The following DMC1 variants were observed in gnomAD, a reference collection of about 807,000 sequenced individuals.
DMC1 encodes the protein DNA meiotic recombinase 1.
A neutral mutation model predicts 50.1 loss-of-function variants in DMC1; 27 were observed. That is an observed-to-expected ratio of 0.54 (90% CI 0.40 to 0.74). The LOEUF is 0.74. DMC1 is among the 30% of genes least tolerant of loss of function. DMC1 has a pLI of 0.00. For missense variants in DMC1, 295 were observed against 420.2 expected (o/e 0.70, Z 2.60); for synonymous variants, 148 against 136.1 (o/e 1.09, Z -0.61).
At chr22:38,522,812 G>C (rs140160368) in intron 12 of DMC1, among the ~76,000 whole-genome samples, 1 of 152,190 alleles carries the variant, frequency 6.6e-6, no homozygotes, top group African/African-American at 2.4e-5. Context: ...TTGGCATGAG[G>C]TTAAATATAT....
chr22:38,555,850 G>A (rs1451109324), intron 5 of DMC1, among the ~76,000 whole-genome samples: 2 of 146,896 alleles, frequency 1.4e-5, no homozygotes, highest in African/African-American at 2.5e-5. Flanking sequence ...TTTTTTTTTC[G>A]AGATGGAGTC....
chr22:38,545,579 G>A (rs1026310568), intron 8 of DMC1, among the ~76,000 whole-genome samples: 9 of 152,072 alleles, frequency 5.9e-5, no homozygotes, highest in Admixed American at 2.0e-4. Flanking sequence ...CCACCACTGC[G>A]CCTGGCTAAT....
intron 11 of DMC1, 58 bp from the exon 12 acceptor site, chr22:38,537,710 T>C: frequency 7.4e-7 from 1 of 1,346,872 alleles, no homozygotes; most frequent in Non-Finnish European, 1.1e-6. Flanking sequence ...TATTTAAAAG[T>C]TCATTGTTTA....
At chr22:38,568,783 T>G (rs2146046555) in intron 1 of DMC1, among the ~76,000 whole-genome samples, 1 of 152,342 alleles carries the variant, frequency 6.6e-6, no homozygotes, top group South Asian at 2.1e-4. Flanking sequence ...GATGAATGCC[T>G]TCCTGCCTGC....
intron 12 of DMC1, among the ~76,000 whole-genome samples, chr22:38,533,393 CACAA>C (rs1229498916): frequency 2.2e-5 from 1 of 45,464 alleles, no homozygotes; most frequent in Non-Finnish European, 3.8e-5. Flanking sequence ...GAGACTCCAT[CACAA>C]AAAAAAAAAA....
At chr22:38,542,298 G>A (rs2090290048) in intron 8 of DMC1, among the ~76,000 whole-genome samples, 2 of 151,846 alleles carry the variant, frequency 1.3e-5, no homozygotes, top group Admixed American at 1.3e-4. Flanking sequence ...TCTTATGTTT[G>A]GAAAAACCCA....
the DMC1 span, among the ~76,000 whole-genome samples, chr22:38,509,221 G>GACCAGCCTAGCCAACATGGC: frequency 6.6e-6 from 1 of 152,118 alleles, no homozygotes; most frequent in African/African-American, 2.4e-5. Flanking sequence ...TGTTACACAA[G>GACCAGCCTAGCCAACATGGC]AAAACGTGTG....
intron 6 of DMC1, among the ~76,000 whole-genome samples, chr22:38,555,009 G>A (rs1602759217): frequency 1.3e-5 from 2 of 151,952 alleles, no homozygotes; most frequent in East Asian, 1.9e-4. Flanking sequence ...GCGTGAACCC[G>A]GGAGGCAGAG....
At chr22:38,538,059 G>T (rs935685279) in intron 11 of DMC1, among the ~76,000 whole-genome samples, 2 of 151,966 alleles carry the variant, frequency 1.3e-5, no homozygotes, top group African/African-American at 4.8e-5. Context: ...AGGAAGAATT[G>T]CTTGAACCTG....
rs766166675 is a variant in DMC1 at position 38,552,748 on chromosome 22, T to C, written c.380-41A>G. 6 of 1,313,984 alleles carry C rather than the reference T, an allele frequency of 4.6e-6. No homozygotes were observed. In the South Asian group the frequency reaches 4.8e-5, roughly 10 times the overall value. 81.4% of individuals were successfully genotyped at this position (1,313,984 alleles called of 1,614,324 possible). A position where few individuals can be genotyped will look rare whatever the true frequency, so the allele number is the denominator to read the frequency against. On this transcript the variant is annotated intron_variant, in intron 6 of 13. Transcript: ENST00000216024. ...AAAAATGATTTTAAAAATGCATAAT[T>C]TCCAGATATTTTCATAAAGAATAAA...
At chr22:38,517,498 G>A (rs1348780854), downstream of DMC1, among the ~76,000 whole-genome samples, 5 of 152,134 alleles carry the variant, frequency 3.3e-5, no homozygotes, top group Non-Finnish European at 7.3e-5. Flanking sequence ...GAACCCAGGA[G>A]GAGGAGGTTT....
At position 38,521,576 on chromosome 22, in the gene DMC1, C is replaced by CACACAA. The variant is rs1555930288; in HGVS notation, c.953+31_953+32insTTGTGT. 4.6e-6 allele frequency: 6 copies of CACACAA among 1,294,780 alleles called. No individual in the cohort carries two copies. The African/African-American group carries it at 7.8e-5, about 17-fold the overall frequency. The allele number at this position is 1,294,780 out of a possible 1,614,324, so 80.2% of individuals were successfully genotyped here. ...ACACACACACACACACACACACACA[C>CACACAA]ACACACACACACAAAATAAAAAAAA... is the stretch of plus-strand genomic sequence containing the variant. On this transcript the variant is annotated intron_variant, in intron 13 of 13. Transcript: ENST00000216024.
intron 12 of DMC1, among the ~76,000 whole-genome samples, chr22:38,529,928 G>T (rs766230615): frequency 3.4e-4 from 52 of 152,266 alleles, no homozygotes; most frequent in Middle Eastern, 3.4e-3. Flanking sequence ...TTTTCGAGAA[G>T]TGGTCCATTG....
At chr22:38,542,341 C>A (rs1299631575) in intron 8 of DMC1, among the ~76,000 whole-genome samples, 1 of 151,924 alleles carries the variant, frequency 6.6e-6, no homozygotes, top group Non-Finnish European at 1.5e-5. Flanking sequence ...AACTGATAAA[C>A]AAATTCAGTA....
chr22:38,527,582 G>A (rs932655987), intron 12 of DMC1, among the ~76,000 whole-genome samples: 1 of 144,160 alleles, frequency 6.9e-6, no homozygotes, highest in African/African-American at 2.6e-5. Flanking sequence ...GCAATGGCAC[G>A]ATCTTGGCTC....
chr22:38,555,535 T>A, intron 5 of DMC1, 126 bp from the exon 6 acceptor site: 1 of 655,204 alleles, frequency 1.5e-6, no homozygotes, highest in East Asian at 2.9e-5. Context: ...CATCTACCTA[T>A]CTATCTACAG....
At chr22:38,558,057 G>A (rs1297273634) in intron 5 of DMC1, among the ~76,000 whole-genome samples, 1 of 146,506 alleles carries the variant, frequency 6.8e-6, no homozygotes, top group African/African-American at 2.6e-5. Flanking sequence ...CTGCCTCCTG[G>A]ATTCAAGCAA....
At chr22:38,549,707 A>C in intron 8 of DMC1, 1 of 510,792 alleles carries the variant, frequency 2.0e-6, no homozygotes, top group Non-Finnish European at 3.5e-6. Flanking sequence ...ATTTCCTCTC[A>C]TGTATTTGTT....
chr22:38,529,693 C>G (rs924347423), intron 12 of DMC1, among the ~76,000 whole-genome samples: 1 of 152,084 alleles, frequency 6.6e-6, no homozygotes. Flanking sequence ...GTCAAAGATA[C>G]CTGGGTTCAA....
Sources: allele counts gnomAD v4.1 joint callset (sites outside exome capture counted in the v4.1 genomes callset), GRCh38; gene constraint gnomAD v4.1.1; transcripts MANE v1.5; gene names NCBI Gene and HGNC (gene_info 2026-07-23, HGNC 2026-07-21).